The following RBFOX1 variants were observed in gnomAD, a reference collection of about 807,000 sequenced individuals.
RBFOX1 encodes RNA binding fox-1 homolog 1, also known as RNA binding protein fox-1 homolog 1.
In RBFOX1, 8 loss-of-function variants were observed where a neutral mutation model predicts 57.7. The observed-to-expected ratio is 0.14, with a 90% CI of 0.08 to 0.25. The LOEUF (loss-of-function observed/expected upper bound fraction) is 0.25. Ranked by LOEUF, RBFOX1 falls within the 10% of genes least tolerant of loss-of-function variation. The probability of loss-of-function intolerance (pLI) is 1.00; values close to 1 mark genes in which losing one functional copy is unlikely to be tolerated. For synonymous variants in RBFOX1, 326 were observed against 222.4 expected (o/e 1.47, Z -4.15); for missense variants, 611 against 548.5 (o/e 1.11, Z -1.14).
chr16:6,481,794 C>T (rs560023252), intron 2 of RBFOX1, among the ~76,000 whole-genome samples: 85 of 152,198 alleles, frequency 5.6e-4, no homozygotes, highest in South Asian at 1.2e-3. Flanking sequence ...TCTCAGCATC[C>T]GTTAAATGCC....
At chr16:6,550,862 T>G (rs2096977502) in intron 2 of RBFOX1, among the ~76,000 whole-genome samples, 1 of 152,234 alleles carries the variant, frequency 6.6e-6, no homozygotes, top group South Asian at 2.1e-4. Context: ...AATAGATATT[T>G]AATTCTGGTG....
intron 4 of RBFOX1, among the ~76,000 whole-genome samples, chr16:7,399,913 C>T (rs1597457068): frequency 6.6e-6 from 1 of 152,284 alleles, no homozygotes; most frequent in Middle Eastern, 3.4e-3. Context: ...GAATATTCAA[C>T]AACACAAAGC....
At chr16:6,050,587 T>C (rs1280663500) in intron 1 of RBFOX1, among the ~76,000 whole-genome samples, 1 of 152,158 alleles carries the variant, frequency 6.6e-6, no homozygotes, top group Admixed American at 6.5e-5. Context: ...AGCTTTATTC[T>C]ACATGTGATG....
intron 1 of RBFOX1, among the ~76,000 whole-genome samples, chr16:6,304,812 G>T (rs1285675586): frequency 1.5e-5 from 2 of 136,504 alleles, no homozygotes; most frequent in Non-Finnish European, 3.0e-5. Flanking sequence ...GGTGGAAATT[G>T]CAGTGAGCCC....
At chr16:7,221,622 C>T (rs2092739112) in intron 4 of RBFOX1, among the ~76,000 whole-genome samples, 1 of 152,190 alleles carries the variant, frequency 6.6e-6, no homozygotes, top group South Asian at 2.1e-4. Context: ...CAACCTTGGC[C>T]TCCCAAAGTA....
intron 3 of RBFOX1, among the ~76,000 whole-genome samples, chr16:6,808,253 A>C (rs2087447254): frequency 6.6e-6 from 1 of 151,172 alleles, no homozygotes; most frequent in African/African-American, 2.4e-5. Flanking sequence ...TATTCTACTG[A>C]TGCCCCATCA....
intron 4 of RBFOX1, among the ~76,000 whole-genome samples, chr16:7,102,890 T>C (rs1857959199): frequency 6.6e-6 from 1 of 152,024 alleles, no homozygotes; most frequent in Non-Finnish European, 1.5e-5. Flanking sequence ...TTCAATTGAG[T>C]GCTACAAGTA....
chr16:7,689,537 C>T (rs2076874395), intron 14 of RBFOX1, among the ~76,000 whole-genome samples: 1 of 152,012 alleles, frequency 6.6e-6, no homozygotes, highest in Admixed American at 6.6e-5. Context: ...GACCTCTCTC[C>T]TGGAAATTCT....
intron 4 of RBFOX1, among the ~76,000 whole-genome samples, chr16:7,106,772 TAG>T (rs1426363152): frequency 1.9e-4 from 29 of 151,700 alleles, no homozygotes; most frequent in Admixed American, 1.8e-3. Flanking sequence ...TAAGGAGAAT[TAG>T]AGAGTGACGT....
intron 3 of RBFOX1, among the ~76,000 whole-genome samples, chr16:7,010,786 A>G (rs180857961): frequency 1.3e-5 from 2 of 152,032 alleles, no homozygotes; most frequent in Non-Finnish European, 2.9e-5. Context: ...GCTGGTCTCA[A>G]ACTCCTGGCC....
At chr16:7,360,296 CAT>C (rs1225558688) in intron 4 of RBFOX1, among the ~76,000 whole-genome samples, 2 of 152,178 alleles carry the variant, frequency 1.3e-5, no homozygotes, top group African/African-American at 4.8e-5. Context: ...AAATGTGTCA[CAT>C]GTTAGCCAAA....
At chr16:7,188,844 T>G (rs1319235726) in intron 4 of RBFOX1, among the ~76,000 whole-genome samples, 6 of 152,046 alleles carry the variant, frequency 3.9e-5, no homozygotes, top group Non-Finnish European at 8.8e-5. Context: ...AAAATGCAAA[T>G]TTTGGAGTTG....
chr16:7,635,548 G>A (rs1392331058), intron 11 of RBFOX1, among the ~76,000 whole-genome samples: 1 of 152,078 alleles, frequency 6.6e-6, no homozygotes, highest in Non-Finnish European at 1.5e-5. Context: ...ATTCAGGAAA[G>A]GACATACACA....
intron 2 of RBFOX1, among the ~76,000 whole-genome samples, chr16:6,347,066 C>G (rs1024355391): frequency 6.6e-6 from 1 of 152,130 alleles, no homozygotes; most frequent in Admixed American, 6.5e-5. Context: ...GGATATTGGG[C>G]TGAGGAGTTC....
chr16:6,962,031 T>G (rs2083130685), intron 3 of RBFOX1, among the ~76,000 whole-genome samples: 1 of 152,154 alleles, frequency 6.6e-6, no homozygotes, highest in Non-Finnish European at 1.5e-5. Flanking sequence ...CAGCCCCTAT[T>G]CAAGATGGAG....
At chr16:5,653,733 C>T (rs751391219) in intron 3 of RBFOX1, among the ~76,000 whole-genome samples, 2 of 152,064 alleles carry the variant, frequency 1.3e-5, no homozygotes, top group African/African-American at 4.8e-5. Flanking sequence ...TGCTTAGAGC[C>T]GCTCATTTCC....
At chr16:6,579,830 C>A (rs1204414551) in intron 2 of RBFOX1, among the ~76,000 whole-genome samples, 1 of 152,132 alleles carries the variant, frequency 6.6e-6, no homozygotes, top group Non-Finnish European at 1.5e-5. Flanking sequence ...AAGCTGTCCT[C>A]CCATATCAGC....
intron 3 of RBFOX1, among the ~76,000 whole-genome samples, chr16:6,691,004 G>A (rs1264338529): frequency 6.6e-6 from 1 of 152,124 alleles, no homozygotes; most frequent in Non-Finnish European, 1.5e-5. Context: ...GTGGAAACAA[G>A]TACCAGCGCT....
intron 3 of RBFOX1, among the ~76,000 whole-genome samples, chr16:6,819,722 A>AC (rs1350283184): frequency 6.9e-6 from 1 of 144,708 alleles, no homozygotes; most frequent in Non-Finnish European, 1.5e-5. Context: ...AAAAAAAAAA[A>AC]AAAAAAAAAT....
Sources: allele counts gnomAD v4.1 joint callset (sites outside exome capture counted in the v4.1 genomes callset), GRCh38; gene constraint gnomAD v4.1.1; transcripts MANE v1.5; gene names NCBI Gene and HGNC (gene_info 2026-07-23, HGNC 2026-07-21).